The following HEATR5A variants were observed in gnomAD, a reference collection of about 807,000 sequenced individuals.
The protein encoded by HEATR5A is HEAT repeat containing 5A.
In HEATR5A, 178 loss-of-function variants were observed where a neutral mutation model predicts 218.8. The ratio of observed to expected loss-of-function variants is 0.81; its 90% CI spans 0.72 to 0.92. HEATR5A has a LOEUF of 0.92. Ranked by LOEUF, HEATR5A falls within the 40% of genes least tolerant of loss-of-function variation. The pLI is 0.00. For synonymous variants in HEATR5A, 864 were observed against 871.6 expected, an observed-to-expected ratio of 0.99 and a Z score of 0.15; for missense variants, 2,420 against 2,418.9, an observed-to-expected ratio of 1.00 and a Z score of -0.01.
At chr14:31,378,612 C>T (rs1317587629) in intron 11 of HEATR5A, among the ~76,000 whole-genome samples, 1 of 151,936 alleles carries the variant, frequency 6.6e-6, no homozygotes, top group African/African-American at 2.4e-5. Context: ...ATGGTGAAAC[C>T]CCGTCTCTAC....
chr14:31,318,935 A>G (rs1899999747), intron 25 of HEATR5A, among the ~76,000 whole-genome samples: 1 of 152,168 alleles, frequency 6.6e-6, no homozygotes, highest in Non-Finnish European at 1.5e-5. Context: ...CCTGGGTGCT[A>G]AGAGAGCCAT....
At position 31,408,749 on chromosome 14, in the gene HEATR5A, A is replaced by G. The variant is rs184770387; in HGVS notation, c.-74-5700T>C. ...TATTAGCCTAGAGTAACACATATGT[A>G]TATTATTGACTACTAATAGAAAAAG... is the stretch of plus-strand genomic sequence containing the variant. On this transcript the variant is annotated intron_variant, in intron 1 of 35. Transcript: ENST00000543095. Among the ~76,000 whole-genome samples, 194 of 151,450 alleles carry G rather than the reference A, an allele frequency of 1.3e-3. No homozygotes were observed. The Middle Eastern group carries it at 0.014, about 11-fold the overall frequency.
At chr14:31,339,469 A>T (rs1028310173) in intron 21 of HEATR5A, among the ~76,000 whole-genome samples, 1 of 151,238 alleles carries the variant, frequency 6.6e-6, no homozygotes, top group Non-Finnish European at 1.5e-5. Context: ...AAAAAAAAAA[A>T]AAAAAGAATG....
intron 1 of HEATR5A, among the ~76,000 whole-genome samples, chr14:31,412,755 C>T (rs2031320197): frequency 6.6e-6 from 1 of 152,074 alleles, no homozygotes; most frequent in African/African-American, 2.4e-5. Flanking sequence ...CGCCTGTAAT[C>T]CCAGCTACTT....
intron 29 of HEATR5A, among the ~76,000 whole-genome samples, chr14:31,308,490 A>G (rs2139142219): frequency 6.8e-6 from 1 of 146,928 alleles, no homozygotes; most frequent in South Asian, 2.2e-4. Flanking sequence ...CTGGGCAACA[A>G]GAGCAAAACT....
Position 31,316,295 on chromosome 14 carries a change from A to G in HEATR5A, c.4039-346T>C, listed in dbSNP as rs1028130151. Reference sequence around the variant, plus strand: ...AGAGTGAGACCCCATCTCTTAAAAAACAAAAAACAAACAAAAAAAGCCCAT... The same window carrying G: ...AGAGTGAGACCCCATCTCTTAAAAAGCAAAAAACAAACAAAAAAAGCCCAT... On this transcript the variant is annotated intron_variant, in intron 26 of 35. Transcript: ENST00000543095. Among the ~76,000 whole-genome samples, 10 of 150,166 alleles carry G rather than the reference A, an allele frequency of 6.7e-5. No homozygotes were observed. The Admixed American group carries it at 6.7e-4, about 10-fold the overall frequency.
intron 22 of HEATR5A, among the ~76,000 whole-genome samples, chr14:31,335,971 AC>A (rs1300210461): frequency 3.7e-5 from 1 of 27,352 alleles, no homozygotes; most frequent in Non-Finnish European, 7.6e-5. Context: ...TAAGATAATT[AC>A]CTTTTTTTTT....
At chr14:31,394,635 G>A (rs1457837287) in intron 5 of HEATR5A, among the ~76,000 whole-genome samples, 2 of 151,948 alleles carry the variant, frequency 1.3e-5, no homozygotes, top group African/African-American at 2.4e-5. Context: ...CTAAGATGGT[G>A]GAACCCCGTC....
chr14:31,368,131 T>C (rs911647855), intron 13 of HEATR5A, among the ~76,000 whole-genome samples: 2 of 152,132 alleles, frequency 1.3e-5, no homozygotes, highest in African/African-American at 4.8e-5. Context: ...CACAAATGGA[T>C]TAATGTCATT....
Position 31,318,293 on chromosome 14 carries a change from C to G in HEATR5A, c.3970-1G>C. The G allele has an allele frequency of 6.2e-7, 1 of 1,613,090 alleles. No individual in the cohort carries two copies. Among genetic ancestry groups the G allele is most frequent in the Non-Finnish European group, 8.5e-7 (1 of 1,179,184 alleles). ...AGGCTGGTCTAAGCGCTGCTCCTAC[C>G]TGGCAAGAAATTACATGACATATCA... is the stretch of plus-strand genomic sequence containing the variant. On this transcript the variant is annotated splice_acceptor_variant, in intron 25 of 35. Transcript: ENST00000543095. LOFTEE classifies it high-confidence loss of function.
intron 14 of HEATR5A, among the ~76,000 whole-genome samples, chr14:31,359,787 T>C (rs534489867): frequency 1.4e-5 from 2 of 145,544 alleles, no homozygotes; most frequent in South Asian, 2.3e-4. Context: ...CATGTTATTA[T>C]GGAAAATTTC....
rs940752462 is a variant in HEATR5A, at chr14:31,302,213, C to T, written c.5464+82G>A. The T allele has an allele frequency of 4.1e-6, 4 of 969,696 alleles. No homozygotes were observed. The African/African-American group carries it at 4.9e-5, about 12-fold the overall frequency. 60.1% of individuals were successfully genotyped at this position (969,696 alleles called of 1,614,324 possible). A position where few individuals can be genotyped will look rare whatever the true frequency, so the allele number is the denominator to read the frequency against. On this transcript the variant is annotated intron_variant, in intron 33 of 35. Transcript: ENST00000543095. ...TCTAGGTGATATGGCCAAATATGATCAAGTAAAATATCTTATCCTCAAAAA... is the reference window on the plus strand; with the variant it reads ...TCTAGGTGATATGGCCAAATATGATTAAGTAAAATATCTTATCCTCAAAAA...
At chr14:31,371,174 T>C (rs76687918) in intron 13 of HEATR5A, among the ~76,000 whole-genome samples, 1,607 of 152,378 alleles carry the variant, frequency 0.011, 23 homozygotes, top group South Asian at 0.024. Context: ...AGCTGCAACA[T>C]AGACTTCATA....
chr14:31,407,604 A>ATATTTATATATATATATATATATATATT (rs1555372424), intron 1 of HEATR5A, among the ~76,000 whole-genome samples: 3 of 1,426 alleles, frequency 2.1e-3, no homozygotes, highest in African/African-American at 3.3e-3. Context: ...ATATATATAT[A>ATATTTATATATATATATATATATATATT]TATATATATA....
intron 20 of HEATR5A, 48 bp from the exon 21 acceptor site, chr14:31,344,113 T>C: frequency 1.7e-6 from 2 of 1,155,252 alleles, no homozygotes; most frequent in Non-Finnish European, 2.3e-6. Flanking sequence ...ATAAAAACAT[T>C]ACTCTTTAAA....
At chr14:31,306,203 C>T (rs1347750671) in intron 31 of HEATR5A, among the ~76,000 whole-genome samples, 1 of 152,132 alleles carries the variant, frequency 6.6e-6, no homozygotes, top group African/African-American at 2.4e-5. Flanking sequence ...CCAGGCTAGG[C>T]ATGATGGCTC....
At chr14:31,354,053 C>T (rs936776340) in intron 16 of HEATR5A, among the ~76,000 whole-genome samples, 1 of 152,074 alleles carries the variant, frequency 6.6e-6, no homozygotes, top group East Asian at 1.9e-4. Flanking sequence ...CCCGCCTCGG[C>T]TTCCCAAAGT....
At chr14:31,315,161 A>G (rs1899875696) in intron 27 of HEATR5A, among the ~76,000 whole-genome samples, 2 of 152,262 alleles carry the variant, frequency 1.3e-5, no homozygotes, top group South Asian at 4.2e-4. Flanking sequence ...TCAACAGAGC[A>G]AGACTCTGTC....
chr14:31,368,643 C>T (rs182215428), intron 13 of HEATR5A, among the ~76,000 whole-genome samples: 25 of 152,218 alleles, frequency 1.6e-4, no homozygotes, highest in Non-Finnish European at 7.4e-5. Flanking sequence ...ATCATTCCCG[C>T]CTCAGCCTCC....
Sources: allele counts gnomAD v4.1 joint callset (sites outside exome capture counted in the v4.1 genomes callset), GRCh38; gene constraint gnomAD v4.1.1; transcripts MANE v1.5; gene names NCBI Gene and HGNC (gene_info 2026-07-23, HGNC 2026-07-21).